The following SFXN5 variants were observed in gnomAD, a reference collection of about 807,000 sequenced individuals.
SFXN5 encodes the protein sideroflexin 5, also known as sideroflexin-5.
SFXN5 carries 43 observed loss-of-function variants against 50.2 expected under a neutral mutation model. That is an observed-to-expected ratio of 0.86 (90% CI 0.67 to 1.11). The LOEUF is 1.11. SFXN5 is among the 50% of genes least tolerant of loss of function. The pLI is 0.00. For synonymous variants in SFXN5, 203 were observed against 185.8 expected, an observed-to-expected ratio of 1.09 and a Z score of -0.75; for missense variants, 463 against 454.1, an observed-to-expected ratio of 1.02 and a Z score of -0.18.
intron 13 of SFXN5, among the ~76,000 whole-genome samples, chr2:72,948,305 A>G (rs1313553566): frequency 6.6e-6 from 1 of 152,254 alleles, no homozygotes; most frequent in African/African-American, 2.4e-5. Flanking sequence ...ATATATAAAC[A>G]TAAAAGGAAA....
intron 13 of SFXN5, among the ~76,000 whole-genome samples, chr2:72,955,547 A>C (rs1203272563): frequency 6.6e-6 from 1 of 152,256 alleles, no homozygotes; most frequent in Non-Finnish European, 1.5e-5. Flanking sequence ...AAACAGAGGC[A>C]GGGATGTGGG....
chr2:72,959,644 A>C, intron 13 of SFXN5, among the ~76,000 whole-genome samples: 1 of 149,100 alleles, frequency 6.7e-6, no homozygotes, highest in African/African-American at 2.5e-5. Flanking sequence ...CTCCTCTTCC[A>C]CCTACTGAAG....
At chr2:73,022,393 G>A in intron 5 of SFXN5, 129 bp downstream of exon 5, 1 of 731,210 alleles carries the variant, frequency 1.4e-6, no homozygotes, top group Non-Finnish European at 2.5e-6. Flanking sequence ...GAATGTAGAG[G>A]TGCAAATATG....
rs1671798730 is a variant in SFXN5 at position 72,945,178 on chromosome 2, AC to A, written c.946-80del. 2.9e-6 allele frequency: 4 copies of A among 1,362,130 alleles called. No homozygotes were observed. Among genetic ancestry groups the A allele is most frequent in the Middle Eastern group, 1.8e-4 (1 of 5,532 alleles). The allele number at this position is 1,362,130 out of a possible 1,614,324, so 84.4% of individuals were successfully genotyped here. A position where few individuals can be genotyped will look rare whatever the true frequency, so the allele number is the denominator to read the frequency against. On this transcript the variant is annotated intron_variant, in intron 13 of 13. Coordinates refer to ENST00000272433, the MANE Select transcript of SFXN5 (RefSeq NM_144579.3). The surrounding 1 kb of genome is among the most constrained non-coding windows in gnomAD (Gnocchi z 5.8). ...GGGGCTGGGAGCTGCAGTGAGGACCACCCTGGGCCCCAGAGCTCTGCCCCCT... is the reference window on the plus strand; with the variant it reads ...GGGGCTGGGAGCTGCAGTGAGGACCACCTGGGCCCCAGAGCTCTGCCCCCT...
At chr2:73,024,461 T>C (rs1473111924) in intron 3 of SFXN5, among the ~76,000 whole-genome samples, 1 of 152,166 alleles carries the variant, frequency 6.6e-6, no homozygotes, top group African/African-American at 2.4e-5. Flanking sequence ...CAGTCCACCC[T>C]GGGCAACAAA....
rs1230259924 is a variant in SFXN5, at chr2:72,988,400, C to T, written c.535-52G>A. 11 of 1,515,270 alleles carry T rather than the reference C, an allele frequency of 7.3e-6. No individual in the cohort carries two copies. The African/African-American group carries it at 1.4e-4, about 19-fold the overall frequency. 93.9% of individuals were successfully genotyped at this position (1,515,270 alleles called of 1,614,324 possible). ...GAAAAAGTACATGATGCTGCAGTGG[C>T]TTGTGGGAGGAGGGGGCAGAACTGG... On this transcript the variant is annotated intron_variant, in intron 9 of 13. Coordinates refer to ENST00000272433, the MANE Select transcript of SFXN5 (RefSeq NM_144579.3).
At chr2:73,047,462 G>GCAGGAC (rs1249683535) in intron 2 of SFXN5, among the ~76,000 whole-genome samples, 3 of 149,552 alleles carry the variant, frequency 2.0e-5, no homozygotes, top group Non-Finnish European at 4.4e-5. Flanking sequence ...ATATGGTTTG[G>GCAGGAC]CTGTGTCTCT....
chr2:72,957,631 A>C (rs1673252301), intron 13 of SFXN5, among the ~76,000 whole-genome samples: 1 of 152,258 alleles, frequency 6.6e-6, no homozygotes, highest in Non-Finnish European at 1.5e-5. Flanking sequence ...GTCCAGACTT[A>C]TTGTGGCAAA....
chr2:72,969,213 G>A lies in SFXN5; in HGVS notation c.742-680C>T, dbSNP rs1369352375. The stretch of plus-strand genomic sequence containing the variant: ...CCAGGAAGGGGCAGTGCTCAGGGAG[G>A]TGGCTGACTACCTCGGGGGTGGTGG... On this transcript the variant is annotated intron_variant, in intron 11 of 13. Coordinates refer to ENST00000272433, the MANE Select transcript of SFXN5 (RefSeq NM_144579.3). Among the ~76,000 whole-genome samples the A allele has an allele frequency of 2.0e-5, 3 of 152,336 alleles. No individual in the cohort carries two copies. In the East Asian group the frequency reaches 5.8e-4, roughly 29 times the overall value.
intron 6 of SFXN5, among the ~76,000 whole-genome samples, chr2:73,003,168 T>C (rs1674147383): frequency 6.6e-6 from 1 of 151,726 alleles, no homozygotes; most frequent in African/African-American, 2.4e-5. Context: ...GGGTGAAGAG[T>C]ACATGTGCTC....
At chr2:73,064,795 T>C (rs1683058667) in intron 1 of SFXN5, among the ~76,000 whole-genome samples, 2 of 152,170 alleles carry the variant, frequency 1.3e-5, no homozygotes, top group South Asian at 4.1e-4. Context: ...GGAATTTTTG[T>C]TTTATTTTTG....
intron 13 of SFXN5, among the ~76,000 whole-genome samples, chr2:72,948,979 C>T (rs1023110580): frequency 6.6e-6 from 1 of 152,096 alleles, no homozygotes; most frequent in East Asian, 1.9e-4. Context: ...TCCAGAGAGA[C>T]AAGCAGAGTG....
chr2:73,035,584 C>T (rs574438492), intron 3 of SFXN5, among the ~76,000 whole-genome samples: 2 of 150,636 alleles, frequency 1.3e-5, no homozygotes, highest in East Asian at 2.0e-4. Flanking sequence ...ACTGCAACCT[C>T]CACCTCCTGG....
At chr2:72,980,930 C>G (rs1193249897) in intron 10 of SFXN5, 1 of 151,914 alleles carries the variant, frequency 6.6e-6, no homozygotes, top group Non-Finnish European at 1.5e-5. Context: ...CTGGGCTTCT[C>G]TACCTTCTGG....
intron 12 of SFXN5, among the ~76,000 whole-genome samples, chr2:72,963,772 G>A (rs1325390196): frequency 2.0e-5 from 3 of 152,162 alleles, no homozygotes; most frequent in East Asian, 3.9e-4. Flanking sequence ...GGCTGGGGCT[G>A]AGCCAGCTAG....
chr2:73,017,940 TCTA>T (rs1676377978), intron 6 of SFXN5, among the ~76,000 whole-genome samples: 2 of 152,048 alleles, frequency 1.3e-5, no homozygotes, highest in African/African-American at 4.8e-5. Flanking sequence ...TACAGACAAA[TCTA>T]CTGTAATCTC....
intron 3 of SFXN5, among the ~76,000 whole-genome samples, chr2:73,034,792 A>G (rs755591221): frequency 2.6e-5 from 4 of 151,962 alleles, no homozygotes; most frequent in Admixed American, 2.6e-4. Context: ...CCACAATACC[A>G]CTGTCGTGCT....
At chr2:72,957,145 C>T (rs1200605934) in intron 13 of SFXN5, 1 of 450,408 alleles carries the variant, frequency 2.2e-6, no homozygotes, top group Admixed American at 2.4e-5. Context: ...CAACTCCCCC[C>T]CATACACTGA....
intron 10 of SFXN5, among the ~76,000 whole-genome samples, chr2:72,974,875 CAGAG>C (rs1670451909): frequency 6.7e-6 from 1 of 150,024 alleles, no homozygotes; most frequent in African/African-American, 2.5e-5. Flanking sequence ...AAAACAGAGA[CAGAG>C]AGAACAAGAA....
Sources: gnomAD v4.1 joint callset for allele counts (sites outside exome capture counted in the v4.1 genomes callset) on GRCh38, gnomAD v4.1.1 for gene constraint, Gnocchi (gnomAD v3.1) non-coding constraint, MANE v1.5 for transcripts, NCBI Gene and HGNC (gene_info 2026-07-23, HGNC 2026-07-21) for gene names.